Variants in PTPRF observed in about 807,000 individuals in gnomAD.
PTPRF encodes receptor-type tyrosine-protein phosphatase F.
Under a neutral mutation model 201.8 loss-of-function variants are expected in PTPRF, and 59 were observed. The ratio of observed to expected loss-of-function variants is 0.29; its 90% CI spans 0.24 to 0.36. The LOEUF (loss-of-function observed/expected upper bound fraction) is 0.36, where lower values mean the gene tolerates loss of function less well. Ranked by LOEUF, PTPRF falls within the 10% of genes least tolerant of loss-of-function variation. The pLI, the probability that PTPRF is intolerant of heterozygous loss-of-function variation, is 1.00. For missense variants in PTPRF, 2,132 were observed against 2,690.5 expected (o/e 0.79, Z 4.59); for synonymous variants, 1,088 against 1,089.7 (o/e 1.00, Z 0.03).
chr1:43,594,036 C>T lies in PTPRF; in HGVS notation c.1813+1435C>T, dbSNP rs189080667. On this transcript the variant is annotated intron_variant, in intron 11 of 33. Coordinates refer to ENST00000359947, the MANE Select transcript of PTPRF (RefSeq NM_002840.5). ...ATTTGGGTAATTACAGGTGCAATGT[C>T]TGTCTGCCCTGCTGGAATGCAGGAT... 2.4e-3 allele frequency among the ~76,000 whole-genome samples: 367 copies of T among 152,228 alleles called. 2 individuals carry two copies. Among genetic ancestry groups the T allele is most frequent in the Middle Eastern group, 0.024 (7 of 294 alleles).
At chr1:43,555,898 T>G (rs1205127855) in intron 5 of PTPRF, among the ~76,000 whole-genome samples, 6 of 152,206 alleles carry the variant, frequency 3.9e-5, no homozygotes, top group Non-Finnish European at 7.3e-5. Flanking sequence ...TGTGTTCACC[T>G]TCCTGATTAT....
rs1206971776 is a variant in PTPRF at position 43,619,587 on chromosome 1, G to A, written c.4932+14G>A. On this transcript the variant is annotated intron_variant, in intron 28 of 33. Coordinates refer to ENST00000359947, the MANE Select transcript of PTPRF (RefSeq NM_002840.5). Reference sequence around the variant, plus strand: ...CTCGAGTTCAAGGTGGGGCTCGGGTGGGCCTGCTTGGCTCCAGGGCCTAGA... The same window carrying A: ...CTCGAGTTCAAGGTGGGGCTCGGGTAGGCCTGCTTGGCTCCAGGGCCTAGA... 6.2e-7 allele frequency: 1 copy of A among 1,610,964 alleles called. No individual in the cohort carries two copies. Among genetic ancestry groups the A allele is most frequent in the Non-Finnish European group, 8.5e-7 (1 of 1,177,654 alleles).
At chr1:43,551,361 C>T (rs1004428034) in intron 3 of PTPRF, among the ~76,000 whole-genome samples, 1 of 152,090 alleles carries the variant, frequency 6.6e-6, no homozygotes, top group East Asian at 1.9e-4. Context: ...GTCTGGAAGG[C>T]GCAACAGAGG....
intron 5 of PTPRF, among the ~76,000 whole-genome samples, chr1:43,555,134 G>C (rs1409342417): frequency 1.3e-5 from 2 of 152,082 alleles, no homozygotes; most frequent in African/African-American, 2.4e-5. Context: ...TTACAGGTGT[G>C]AGCCACCGCA....
intron 6 of PTPRF, among the ~76,000 whole-genome samples, chr1:43,570,546 C>T (rs1189003710): frequency 2.0e-5 from 3 of 152,252 alleles, no homozygotes; most frequent in African/African-American, 7.2e-5. Flanking sequence ...TGGCCAGTGC[C>T]GGCCAGAGCC....
intron 11 of PTPRF, among the ~76,000 whole-genome samples, chr1:43,597,269 C>T (rs1275060553): frequency 5.9e-5 from 9 of 152,054 alleles, no homozygotes; most frequent in East Asian, 5.8e-4. Context: ...CACTATATGA[C>T]ACTGTATATG....
In PTPRF at chr1:43,538,276, C is replaced by T. The variant is rs1006769593; in HGVS notation, c.-47C>T. ...TGACCGGGGTGAAGAAGCAAAGACT[C>T]GGTGAGTGTGCCCCACAGAGTGGCC... On this transcript the variant is annotated splice_region_variant and 5_prime_UTR_variant, in exon 2 of 34. Coordinates refer to ENST00000359947, the MANE Select transcript of PTPRF (RefSeq NM_002840.5). 16 of 398,644 alleles carry T rather than the reference C, an allele frequency of 4.0e-5. No homozygotes were observed. The highest frequency in any genetic ancestry group is 1.8e-5 in the Non-Finnish European group (4 of 226,206). 24.7% of individuals were successfully genotyped at this position (398,644 alleles called of 1,614,324 possible). A position where few individuals can be genotyped will look rare whatever the true frequency, so the allele number is the denominator to read the frequency against.
In PTPRF at chr1:43,622,774, C is replaced by G. The variant is rs968539485; in HGVS notation, c.*771C>G. The G allele has an allele frequency of 4.6e-5, 7 of 152,502 alleles. No homozygotes were observed. The highest frequency in any genetic ancestry group is 4.6e-4 in the Admixed American group (7 of 15,274). The allele number at this position is 152,502 out of a possible 1,614,324, so 9.4% of individuals were successfully genotyped here. ...CCAGTGTGTGTTTAACATTCACAGC[C>G]CAGAACCACAGATGTGTCTGGGAGA... On this transcript the variant is annotated 3_prime_UTR_variant, in exon 34 of 34. Transcript: ENST00000359947.
chr1:43,561,375 C>T (rs955607871), intron 5 of PTPRF, among the ~76,000 whole-genome samples: 1 of 152,300 alleles, frequency 6.6e-6, no homozygotes, highest in South Asian at 2.1e-4. Context: ...TGACTTGGCC[C>T]AGGCCTGACT....
intron 2 of PTPRF, among the ~76,000 whole-genome samples, chr1:43,538,737 C>T (rs1034314504): frequency 2.0e-5 from 3 of 152,184 alleles, no homozygotes; most frequent in African/African-American, 7.2e-5. Context: ...CTGTTCCCAT[C>T]GACTGTAGGT....
chr1:43,540,037 A>G lies in PTPRF; in HGVS notation c.-46+1760A>G, dbSNP rs562118110. Among the ~76,000 whole-genome samples the G allele has an allele frequency of 2.0e-5, 3 of 152,186 alleles. No homozygotes were observed. The South Asian group carries it at 6.2e-4, about 32-fold the overall frequency. The stretch of plus-strand genomic sequence containing the variant: ...AGGTCAGGCTCTAGGCTCAATTGGC[A>G]AAGGATCTTGTTGTCTGTGTTGGGG... On this transcript the variant is annotated intron_variant, in intron 2 of 33. Transcript: ENST00000359947.
chr1:43,623,291 A>G lies in PTPRF; in HGVS notation c.*1288A>G, dbSNP rs535816870. On this transcript the variant is annotated 3_prime_UTR_variant, in exon 34 of 34. Coordinates refer to ENST00000359947, the MANE Select transcript of PTPRF (RefSeq NM_002840.5). ...CACTCCAAGATGCCCTCATAAACCAATGTGGCAAGACTACTGGACTTCTAT... is the reference window on the plus strand; with the variant it reads ...CACTCCAAGATGCCCTCATAAACCAGTGTGGCAAGACTACTGGACTTCTAT... The G allele has an allele frequency of 2.0e-5, 3 of 152,734 alleles. No homozygotes were observed. The highest frequency in any genetic ancestry group is 2.1e-4 in the South Asian group (1 of 4,820). 9.5% of individuals were successfully genotyped at this position (152,734 alleles called of 1,614,324 possible).
intron 1 of PTPRF, among the ~76,000 whole-genome samples, chr1:43,534,531 T>G (rs1422799562): frequency 1.3e-5 from 2 of 152,146 alleles, no homozygotes; most frequent in Non-Finnish European, 2.9e-5. Context: ...GAGTCCAGGT[T>G]CCTCGGAGTG....
intron 23 of PTPRF, 140 bp from the exon 24 acceptor site, chr1:43,617,305 C>T: frequency 8.0e-7 from 1 of 1,247,746 alleles, no homozygotes; most frequent in African/African-American, 1.5e-5. Context: ...ATGGCTGGCA[C>T]CACGAGATAG....
intron 8 of PTPRF, among the ~76,000 whole-genome samples, chr1:43,589,723 A>G (rs1297906964): frequency 6.8e-6 from 1 of 146,854 alleles, no homozygotes; most frequent in Non-Finnish European, 1.5e-5. Flanking sequence ...AAAACTGGGC[A>G]TGGTGGCACA....
intron 16 of PTPRF, 137 bp from the exon 17 acceptor site, chr1:43,604,766 C>G (rs1654635796): frequency 1.3e-6 from 1 of 741,726 alleles, no homozygotes; most frequent in Non-Finnish European, 2.3e-6. Context: ...GAGTGGGGCG[C>G]TTGGTACTCT....
chr1:43,610,831 T>G (rs144331166), intron 22 of PTPRF, among the ~76,000 whole-genome samples: 5 of 152,284 alleles, frequency 3.3e-5, no homozygotes, highest in Non-Finnish European at 5.9e-5. Context: ...ACCATCGCAT[T>G]CCAGCCTGGG....
Position 43,597,925 on chromosome 1 carries a change from G to T in PTPRF, c.1991G>T (p.Arg664Leu). Reference protein sequence around the residue: ...RGRHVVDGISREHSSWDLVGL... With the variant: ...RGRHVVDGISLEHSSWDLVGL... ...CGGCATGTGGTGGATGGCATCAGCCGTGAGCACTCCAGCTGGGACCTGGTG... is the reference window on the plus strand; with the variant it reads ...CGGCATGTGGTGGATGGCATCAGCCTTGAGCACTCCAGCTGGGACCTGGTG... Residue 664 changes from arginine (R) to leucine (L), a missense_variant, in exon 12 of 34, where the codon CGT (arginine) becomes CTT (leucine). Physicochemically the swap from Arg to Leu is moderately radical, Grantham distance 102 (BLOSUM62 -2). Transcript: ENST00000359947. 1 of 1,595,676 alleles carries T rather than the reference G, an allele frequency of 6.3e-7. No homozygotes were observed. Among genetic ancestry groups the T allele is most frequent in the Non-Finnish European group, 8.5e-7 (1 of 1,171,382 alleles).
chr1:43,619,609 T>C (rs1658708542), intron 28 of PTPRF, 36 bp downstream of exon 28: 2 of 1,610,568 alleles, frequency 1.2e-6, no homozygotes, highest in Non-Finnish European at 1.7e-6. Context: ...CTCCAGGGCC[T>C]AGACTGGGTC....
Sources: allele counts gnomAD v4.1 joint callset (sites outside exome capture counted in the v4.1 genomes callset), GRCh38; gene constraint gnomAD v4.1.1; transcripts MANE v1.5; gene names NCBI Gene and HGNC (gene_info 2026-07-23, HGNC 2026-07-21).